TNKS: variants seen among roughly 807,000 people sequenced by gnomAD.
TNKS encodes tankyrase, also known as poly [ADP-ribose] polymerase tankyrase-1.
A neutral mutation model predicts 135.8 loss-of-function variants in TNKS; 72 were observed. The observed-to-expected ratio is 0.53, with a 90% confidence interval of 0.44 to 0.64. TNKS has a LOEUF of 0.64. TNKS is among the 30% of genes least tolerant of loss of function. The pLI is 0.00. For synonymous variants in TNKS, 849 were observed against 649.3 expected, an observed-to-expected ratio of 1.31 and a Z score of -4.68; for missense variants, 1,769 against 1,674.0, an observed-to-expected ratio of 1.06 and a Z score of -0.99.
chr8:9,644,657 A>G (rs1022115147), intron 3 of TNKS, among the ~76,000 whole-genome samples: 2 of 152,170 alleles, frequency 1.3e-5, no homozygotes, highest in Non-Finnish European at 2.9e-5. Flanking sequence ...GCGTACCACC[A>G]TTCAACCCAC....
intron 1 of TNKS, among the ~76,000 whole-genome samples, chr8:9,561,337 C>G (rs1797324073): frequency 6.6e-6 from 1 of 152,214 alleles, no homozygotes; most frequent in African/African-American, 2.4e-5. Context: ...ATAGAAACTT[C>G]AGAAAGTTCC....
At chr8:9,630,199 G>A (rs996516678) in intron 3 of TNKS, among the ~76,000 whole-genome samples, 10 of 152,080 alleles carry the variant, frequency 6.6e-5, no homozygotes, top group African/African-American at 1.4e-4. Flanking sequence ...ATAACAAGTC[G>A]ATTTTTTTCT....
intron 2 of TNKS, among the ~76,000 whole-genome samples, chr8:9,612,022 G>C (rs1026927759): frequency 1.2e-4 from 19 of 152,154 alleles, no homozygotes; most frequent in African/African-American, 3.4e-4. Flanking sequence ...TAATGCTTCA[G>C]GTCTTTGGCT....
intron 3 of TNKS, among the ~76,000 whole-genome samples, chr8:9,658,815 T>C (rs567326418): frequency 6.6e-6 from 1 of 152,256 alleles, no homozygotes; most frequent in African/African-American, 2.4e-5. Context: ...TCAAGACCCA[T>C]CAGTGTGCTG....
chr8:9,634,550 A>C (rs4535743), intron 3 of TNKS, among the ~76,000 whole-genome samples: 15,833 of 152,298 alleles, frequency 0.1, 1,166 homozygotes, highest in East Asian at 0.23. Flanking sequence ...TTGTAGGATT[A>C]AGCAAATAAG....
At chr8:9,642,170 C>A (rs1310118552) in intron 3 of TNKS, among the ~76,000 whole-genome samples, 5 of 146,026 alleles carry the variant, frequency 3.4e-5, no homozygotes, top group African/African-American at 1.3e-4. Context: ...TGCTACCATT[C>A]CTAGGTAATT....
rs756243600 is a variant in TNKS, at chr8:9,556,058, C to A, written c.119C>A (p.Ala40Asp). Residue 40 changes from alanine (A) to aspartate (D), a missense_variant, in exon 1 of 27, where the codon GCC (alanine) becomes GAC (aspartate). This residue lies in a region of TNKS where 450 missense variants were observed against 304.9 expected (regional missense o/e 1.48). Transcript: ENST00000310430. Reference protein sequence around the residue: ...PPPPPLSPGLAPGTTPASPTA... With the variant: ...PPPPPLSPGLDPGTTPASPTA... ...CCTCCCCCACTCAGCCCTGGCCTGG[C>A]CCCGGGGACCACCCCAGCCTCTCCC... 3.7e-6 allele frequency: 6 copies of A among 1,608,692 alleles called. No individual in the cohort carries two copies. Among genetic ancestry groups the A allele is most frequent in the Non-Finnish European group, 5.1e-6 (6 of 1,178,444 alleles).
At chr8:9,721,311 T>TAA (rs1563190580) in intron 12 of TNKS, among the ~76,000 whole-genome samples, 2 of 145,132 alleles carry the variant, frequency 1.4e-5, no homozygotes, top group African/African-American at 4.9e-5. Flanking sequence ...TATATATATA[T>TAA]AAAATTATAA....
At chr8:9,608,669 T>C (rs1171971803) in intron 2 of TNKS, among the ~76,000 whole-genome samples, 2 of 152,134 alleles carry the variant, frequency 1.3e-5, no homozygotes, top group Middle Eastern at 3.2e-3. Flanking sequence ...CACAGATCCT[T>C]CTTCTCTAGT....
intron 17 of TNKS, among the ~76,000 whole-genome samples, chr8:9,747,008 G>T (rs184739959): frequency 1.3e-5 from 2 of 149,290 alleles, no homozygotes; most frequent in Admixed American, 1.4e-4. Context: ...TCAGCCTCCC[G>T]AGTAGCTTGG....
intron 3 of TNKS, among the ~76,000 whole-genome samples, chr8:9,628,327 A>G (rs757636016): frequency 6.6e-6 from 1 of 152,012 alleles, no homozygotes; most frequent in Non-Finnish European, 1.5e-5. Context: ...ATCCCTAACG[A>G]CTGTACTAAA....
intron 3 of TNKS, among the ~76,000 whole-genome samples, chr8:9,663,324 A>G (rs553438425): frequency 1.4e-4 from 21 of 152,330 alleles, no homozygotes; most frequent in African/African-American, 3.8e-4. Flanking sequence ...ACCTCAGAGC[A>G]TTATTTGAGG....
At chr8:9,598,813 A>G (rs1391917972) in intron 2 of TNKS, among the ~76,000 whole-genome samples, 34 of 107,418 alleles carry the variant, frequency 3.2e-4, no homozygotes, top group Non-Finnish European at 5.4e-4. Flanking sequence ...ATATATATAT[A>G]TATATGAATG....
chr8:9,587,248 A>G (rs1798416258), intron 2 of TNKS, among the ~76,000 whole-genome samples: 1 of 152,128 alleles, frequency 6.6e-6, no homozygotes, highest in African/African-American at 2.4e-5. Context: ...ATAATTTCAG[A>G]TGGATTCAAG....
At chr8:9,723,406 T>A (rs1475283488) in intron 12 of TNKS, among the ~76,000 whole-genome samples, 2 of 91,112 alleles carry the variant, frequency 2.2e-5, no homozygotes, top group African/African-American at 3.4e-5. Flanking sequence ...TTCATTTAAA[T>A]ACACTTGTTA....
intron 17 of TNKS, among the ~76,000 whole-genome samples, chr8:9,745,163 A>C (rs1362423262): frequency 1.3e-5 from 2 of 152,186 alleles, no homozygotes; most frequent in African/African-American, 4.8e-5. Context: ...CCTTTTTTCA[A>C]CATATAGCCT....
At chr8:9,717,072 A>ATATTT (rs376229840) in intron 11 of TNKS, among the ~76,000 whole-genome samples, 1 of 79,460 alleles carries the variant, frequency 1.3e-5, no homozygotes, top group Non-Finnish European at 2.5e-5. Context: ...GTTGTATTAT[A>ATATTT]ATATATATAT....
chr8:9,740,940 G>C (rs543625418), intron 17 of TNKS: 2 of 147,586 alleles, frequency 1.4e-5, no homozygotes, highest in African/African-American at 4.9e-5. Context: ...CTCCCGAGTA[G>C]CTGGAACTAC....
intron 20 of TNKS, among the ~76,000 whole-genome samples, chr8:9,755,654 TA>T (rs1313088390): frequency 6.6e-6 from 1 of 152,230 alleles, no homozygotes; most frequent in Non-Finnish European, 1.5e-5. Flanking sequence ...TGTATTTGTA[TA>T]GTCGGGGAGG....
Sources: gnomAD v4.1 joint callset for allele counts (sites outside exome capture counted in the v4.1 genomes callset) on GRCh38, gnomAD v4.1.1 for gene constraint, gnomAD v4.1.1 regional missense constraint, MANE v1.5 for transcripts, NCBI Gene and HGNC (gene_info 2026-07-23, HGNC 2026-07-21) for gene names.